Variants in ABCC8 observed in about 807,000 individuals in gnomAD.
ABCC8 encodes ATP-binding cassette sub-family C member 8.
Under a neutral mutation model 188.0 loss-of-function variants are expected in ABCC8, and 137 were observed. The ratio of observed to expected loss-of-function variants is 0.73; its 90% CI spans 0.63 to 0.84. The LOEUF is 0.84. Ranked by LOEUF, ABCC8 falls within the 40% of genes least tolerant of loss-of-function variation. The pLI, the probability that ABCC8 is intolerant of heterozygous loss-of-function variation, is 0.00. For synonymous variants in ABCC8, 797 were observed against 846.5 expected (o/e 0.94, Z 1.01); for missense variants, 1,750 against 2,072.7 (o/e 0.84, Z 3.02).
chr11:17,396,091 G>A, intron 33 of ABCC8, 161 bp from the exon 34 acceptor site: 1 of 1,457,762 alleles, frequency 6.9e-7, no homozygotes, highest in Non-Finnish European at 9.2e-7. Context: ...GTTTGGGCTT[G>A]TTTCCTGCAG....
chr11:17,419,651 G>C (rs187684904), intron 16 of ABCC8, among the ~76,000 whole-genome samples: 18 of 152,278 alleles, frequency 1.2e-4, no homozygotes, highest in African/African-American at 4.3e-4. Context: ...AAGAAATTTG[G>C]AGGAGGAAGA....
At chr11:17,450,254 T>TTC (rs1564958628) in intron 7 of ABCC8, among the ~76,000 whole-genome samples, 1 of 62,906 alleles carries the variant, frequency 1.6e-5, no homozygotes, top group Non-Finnish European at 3.3e-5. Flanking sequence ...TTTTCTTTCT[T>TTC]TCTTTCTCTT....
In ABCC8 at chr11:17,450,366, CCTTTCCTTT is replaced by C. The variant is rs1421334052; in HGVS notation, c.1177-1704_1177-1696del. Among the ~76,000 whole-genome samples the C allele has an allele frequency of 2.1e-4, 12 of 56,272 alleles. 1 individual carries two copies. The Admixed American group carries it at 2.8e-3, about 13-fold the overall frequency. 36.9% of individuals were successfully genotyped at this position (56,272 alleles called of 152,430 possible). Reference sequence around the variant, plus strand: ...CTTTCTTTCTTTCTTTCCTTCCTTTCCTTTCCTTTCTTTCCTTTCCTTTCCTTCTTTCTT... The same window carrying C: ...CTTTCTTTCTTTCTTTCCTTCCTTTCCTTTCCTTTCCTTTCCTTCTTTCTT... On this transcript the variant is annotated intron_variant, in intron 7 of 38. Coordinates refer to ENST00000389817, the MANE Select transcript of ABCC8 (RefSeq NM_000352.6).
intron 10 of ABCC8, among the ~76,000 whole-genome samples, chr11:17,432,556 C>T (rs1273208874): frequency 6.6e-6 from 1 of 152,186 alleles, no homozygotes; most frequent in Non-Finnish European, 1.5e-5. Flanking sequence ...CTGGCTGTGG[C>T]CAACTGTGAG....
intron 13 of ABCC8, 47 bp from the exon 14 acceptor site, chr11:17,428,452 A>AG: frequency 6.2e-7 from 1 of 1,605,644 alleles, no homozygotes; most frequent in Non-Finnish European, 8.5e-7. Context: ...GGAGCTGTGT[A>AG]GGGAAGGGAG....
intron 28 of ABCC8, among the ~76,000 whole-genome samples, chr11:17,403,000 G>A (rs1954325187): frequency 3.9e-5 from 6 of 152,218 alleles, no homozygotes; most frequent in Admixed American, 3.9e-4. Context: ...CTGCTGTCCT[G>A]GGCATTGTCA....
At chr11:17,469,075 CT>C (rs1848334512) in intron 3 of ABCC8, among the ~76,000 whole-genome samples, 1 of 133,236 alleles carries the variant, frequency 7.5e-6, no homozygotes. Context: ...CCTCCCTTCC[CT>C]CCCTCCCTCC....
intron 5 of ABCC8, chr11:17,461,266 G>A (rs139246142): frequency 1.3e-5 from 6 of 451,148 alleles, no homozygotes; most frequent in Middle Eastern, 6.5e-4. Context: ...GTAAGCTGCA[G>A]AGGAAAGAGC....
In ABCC8 at chr11:17,470,216, G is replaced by A. The variant is rs906180828; in HGVS notation, c.297C>T (p.Thr99=). 12 of 1,613,974 alleles carry A rather than the reference G, an allele frequency of 7.4e-6. No individual in the cohort carries two copies. The highest frequency in any genetic ancestry group is 1.1e-5 in the South Asian group (1 of 91,076). Residue 99 remains threonine (T), a synonymous_variant, in exon 3 of 39, where the codon ACC becomes ACT. Transcript: ENST00000389817. ...TGTACAGGTGCAGATGGTGGGATTC[G>A]GTCACCCTGAGATGGGAGAGAGAAA... ...IAEGILSDGV[T]ESHHLHLYMP...
chr11:17,443,059 G>A, intron 9 of ABCC8, 119 bp downstream of exon 9: 2 of 1,495,912 alleles, frequency 1.3e-6, no homozygotes, highest in Non-Finnish European at 1.8e-6. Context: ...GACAGGTGAA[G>A]TGGCCTACTC....
At position 17,430,890 on chromosome 11, in the gene ABCC8, A is replaced by T. The variant is rs757447890; in HGVS notation, c.1741T>A (p.Ser581Thr). 1.3e-5 allele frequency: 21 copies of T among 1,614,210 alleles called. No homozygotes were observed. Among genetic ancestry groups the T allele is most frequent in the Non-Finnish European group, 1.8e-5 (21 of 1,180,034 alleles). The change falls in exon 12 of 39, where the codon TCC (serine) becomes ACC (threonine). Residue 581 changes from serine (S) to threonine (T), a missense_variant. Physicochemically the swap from Ser to Thr is moderately conservative, Grantham distance 58. Transcript: ENST00000389817. ...GGTGTGACCAAGATATGGAAGAGGG[A>T]GAGGGAGGCAAAGGCCACGGAGGGC... ...FSPSVAFASL[S>T]LFHILVTPLF...
chr11:17,407,227 G>GCA (rs1445943058), intron 24 of ABCC8, 98 bp from the exon 25 acceptor site: 1 of 1,606,668 alleles, frequency 6.2e-7, no homozygotes, highest in Non-Finnish European at 8.5e-7. Flanking sequence ...GACAACGGGG[G>GCA]CACACAGAGG....
intron 6 of ABCC8, among the ~76,000 whole-genome samples, chr11:17,457,146 T>G (rs1196218490): frequency 6.6e-6 from 1 of 152,174 alleles, no homozygotes; most frequent in East Asian, 1.9e-4. Context: ...GACATGGTTA[T>G]GAAGAGGCCA....
chr11:17,456,598 G>A (rs955270340), intron 6 of ABCC8, among the ~76,000 whole-genome samples: 4 of 150,828 alleles, frequency 2.7e-5, no homozygotes, highest in African/African-American at 9.7e-5. Context: ...ATTATCTTTG[G>A]CCACCCAGAG....
intron 29 of ABCC8, 26 bp downstream of exon 29, chr11:17,402,635 T>TA: frequency 2.5e-6 from 4 of 1,614,230 alleles, no homozygotes; most frequent in Non-Finnish European, 3.4e-6. Context: ...GTTCCACTCC[T>TA]ACCTTGGGGG....
chr11:17,476,619 G>T lies in ABCC8; in HGVS notation c.148+10C>A, dbSNP rs1329909424. Reference sequence around the variant, plus strand: ...CGTCCCCTCCTCCGCGGCTCGCTGCGCGCACTCACCAATGAAGAGGATGGG... The same window carrying T: ...CGTCCCCTCCTCCGCGGCTCGCTGCTCGCACTCACCAATGAAGAGGATGGG... On this transcript the variant is annotated intron_variant, in intron 1 of 38. Coordinates refer to ENST00000389817, the MANE Select transcript of ABCC8 (RefSeq NM_000352.6). 2 of 1,610,266 alleles carry T rather than the reference G, an allele frequency of 1.2e-6. No individual in the cohort carries two copies. The highest frequency in any genetic ancestry group is 1.1e-5 in the South Asian group (1 of 90,480).
intron 8 of ABCC8, among the ~76,000 whole-genome samples, chr11:17,444,956 T>C (rs752645560): frequency 6.6e-5 from 10 of 152,204 alleles, no homozygotes; most frequent in East Asian, 1.9e-4. Flanking sequence ...GGCTGGCATA[T>C]AGTTGGAGAT....
intron 16 of ABCC8, among the ~76,000 whole-genome samples, chr11:17,423,826 G>T (rs139171786): frequency 1.3e-5 from 2 of 152,216 alleles, no homozygotes; most frequent in Non-Finnish European, 2.9e-5. Context: ...TCTTCATGAG[G>T]CTCTTGTGCC....
At chr11:17,448,917 T>G (rs1264787202) in intron 7 of ABCC8, among the ~76,000 whole-genome samples, 2 of 152,212 alleles carry the variant, frequency 1.3e-5, no homozygotes, top group Non-Finnish European at 2.9e-5. Flanking sequence ...TATTTTTATT[T>G]AATTTAATTC....
Sources: allele counts gnomAD v4.1 joint callset (sites outside exome capture counted in the v4.1 genomes callset), GRCh38; gene constraint gnomAD v4.1.1; transcripts MANE v1.5; gene names NCBI Gene and HGNC (gene_info 2026-07-23, HGNC 2026-07-21).